The following MANBA variants were observed in gnomAD, a reference collection of about 807,000 sequenced individuals.
MANBA encodes mannosidase beta, also known as beta-mannosidase.
MANBA carries 83 observed loss-of-function variants against 111.1 expected under a neutral mutation model. The ratio of observed to expected loss-of-function variants is 0.75; its 90% CI spans 0.63 to 0.90. The LOEUF is 0.90. MANBA is among the 40% of genes least tolerant of loss of function. MANBA has a pLI of 0.00. For missense variants in MANBA, 1,036 were observed against 1,069.0 expected, an observed-to-expected ratio of 0.97 and a Z score of 0.43; for synonymous variants, 370 against 378.7, an observed-to-expected ratio of 0.98 and a Z score of 0.27.
chr4:102,684,423 G>T (rs1314591468), intron 7 of MANBA, among the ~76,000 whole-genome samples: 2 of 152,140 alleles, frequency 1.3e-5, no homozygotes, highest in African/African-American at 4.8e-5. Flanking sequence ...CTGAACTCAT[G>T]CATCCTCCAT....
rs185140142 is a variant in MANBA at position 102,736,820 on chromosome 4, A to T, written c.178-10137T>A. 1.3e-3 allele frequency among the ~76,000 whole-genome samples: 205 copies of T among 152,300 alleles called. No individual in the cohort carries two copies. The Middle Eastern group carries it at 0.017, about 13-fold the overall frequency. ...CACAGGAACATACCGGGAAAACCAA[A>T]AGAATTCAAGACCCTTTGAAACAAG... On this transcript the variant is annotated intron_variant, in intron 1 of 16. Coordinates refer to ENST00000647097, the MANE Select transcript of MANBA (RefSeq NM_005908.4).
At chr4:102,756,797 TAAAAAAAAAA>T (rs35787338) in intron 1 of MANBA, among the ~76,000 whole-genome samples, 2 of 72,006 alleles carry the variant, frequency 2.8e-5, no homozygotes, top group African/African-American at 1.1e-4. Flanking sequence ...AGAGACTATC[TAAAAAAAAAA>T]AAAAAAAAAA....
At chr4:102,745,403 A>T (rs1387562454) in intron 1 of MANBA, among the ~76,000 whole-genome samples, 1 of 152,184 alleles carries the variant, frequency 6.6e-6, no homozygotes, top group Non-Finnish European at 1.5e-5. Context: ...TGACATACAG[A>T]GAAGAGCAAT....
intron 1 of MANBA, among the ~76,000 whole-genome samples, chr4:102,741,645 C>T (rs1723408156): frequency 6.6e-6 from 1 of 152,126 alleles, no homozygotes; most frequent in Non-Finnish European, 1.5e-5. Flanking sequence ...GAGTTGGAGA[C>T]CACTATTCTA....
At chr4:102,645,966 T>C (rs76893294) in intron 13 of MANBA, among the ~76,000 whole-genome samples, 2,193 of 152,236 alleles carry the variant, frequency 0.014, 66 homozygotes, top group African/African-American at 0.051. Context: ...TGTGAAGGGA[T>C]AGAATATTAC....
intron 11 of MANBA, among the ~76,000 whole-genome samples, chr4:102,658,284 T>C (rs1458516773): frequency 6.6e-6 from 1 of 152,142 alleles, no homozygotes; most frequent in African/African-American, 2.4e-5. Context: ...GTCTTATGCA[T>C]TGTAGGATAT....
intron 5 of MANBA, among the ~76,000 whole-genome samples, chr4:102,703,833 C>T (rs763287463): frequency 6.6e-6 from 1 of 152,176 alleles, no homozygotes; most frequent in African/African-American, 2.4e-5. Flanking sequence ...TGGTGGCTCA[C>T]GCCTGTAATC....
At chr4:102,706,438 G>T (rs780956270) in intron 5 of MANBA, among the ~76,000 whole-genome samples, 1 of 152,128 alleles carries the variant, frequency 6.6e-6, no homozygotes, top group Non-Finnish European at 1.5e-5. Context: ...CAATACCACA[G>T]ATACATCTTC....
At chr4:102,750,641 A>G (rs957155903) in intron 1 of MANBA, among the ~76,000 whole-genome samples, 58 of 152,306 alleles carry the variant, frequency 3.8e-4, no homozygotes, top group African/African-American at 1.2e-3. Flanking sequence ...CGCCAGGAGC[A>G]GCGGTTCACA....
rs1177774697 is a variant in MANBA, at chr4:102,631,612, C to T, written c.*445G>A. On this transcript the variant is annotated 3_prime_UTR_variant, in exon 17 of 17. Coordinates refer to ENST00000647097, the MANE Select transcript of MANBA (RefSeq NM_005908.4). ...AATCTCTGTTGTAACATTTCAATCG[C>T]CATTCCCTCTGAAATAATAACAAAG... is the stretch of plus-strand genomic sequence containing the variant. 1 of 410,318 alleles carries T rather than the reference C, an allele frequency of 2.4e-6. No homozygotes were observed. Among genetic ancestry groups the T allele is most frequent in the Non-Finnish European group, 4.3e-6 (1 of 233,292 alleles). The allele number at this position is 410,318 out of a possible 1,614,324, so 25.4% of individuals were successfully genotyped here.
chr4:102,650,904 C>A (rs1225513882), intron 12 of MANBA: 2 of 570,688 alleles, frequency 3.5e-6, no homozygotes, highest in Non-Finnish European at 6.3e-6. Flanking sequence ...ATCACAAAAC[C>A]AGGGTTTGGT....
At position 102,722,913 on chromosome 4, in the gene MANBA, T is replaced by C; in HGVS notation, c.507A>G (p.Pro169=). The change falls in exon 4 of 17, where the codon CCA becomes CCG. Residue 169 remains proline, a synonymous_variant. Transcript: ENST00000647097. ...TRYQVPPDCP[P]LVQKGECHVN... is the part of the protein sequence containing the mutation. The stretch of plus-strand genomic sequence containing the variant: ...CATGGCATTCACCCTTCTGCACAAG[T>C]GGAGGGCAGTCTGGGGGAACCTGGT... The C allele has an allele frequency of 1.2e-6, 2 of 1,614,098 alleles. No individual in the cohort carries two copies. Among genetic ancestry groups the C allele is most frequent in the South Asian group, 1.1e-5 (1 of 91,078 alleles).
chr4:102,717,171 C>T (rs1298583232), intron 4 of MANBA, among the ~76,000 whole-genome samples: 1 of 152,072 alleles, frequency 6.6e-6, no homozygotes, highest in African/African-American at 2.4e-5. Flanking sequence ...TATTAAGTGC[C>T]TTCTATGTTT....
Position 102,723,958 on chromosome 4 carries a change from T to C in MANBA, c.282A>G (p.Gln94=), listed in dbSNP as rs1722686774. Residue 94 remains glutamine (Q), a synonymous_variant, in exon 3 of 17, where the codon CAA becomes CAG. Transcript: ENST00000647097. ...CTCCCTCAAGAATCAAATTTACTTT[T>C]TGCCATTTGCTAAAAAAAAGAAAAG... ...FKIPFEISKW[Q]KVNLILEGVD... 2 of 1,596,666 alleles carry C rather than the reference T, an allele frequency of 1.3e-6. No homozygotes were observed. Among genetic ancestry groups the C allele is most frequent in the African/African-American group, 1.3e-5 (1 of 74,204 alleles).
chr4:102,727,406 C>G, intron 1 of MANBA: 1 of 963,684 alleles, frequency 1.0e-6, no homozygotes, highest in Non-Finnish European at 1.7e-6. Context: ...ATCAGGAGGC[C>G]TGTCCTGGAG....
At chr4:102,642,956 A>C (rs1410903448) in intron 13 of MANBA, among the ~76,000 whole-genome samples, 2 of 152,222 alleles carry the variant, frequency 1.3e-5, no homozygotes, top group Non-Finnish European at 2.9e-5. Context: ...TTTTAAAACC[A>C]AGATATAATT....
chr4:102,649,539 G>A (rs546748191), intron 13 of MANBA, among the ~76,000 whole-genome samples: 20 of 152,156 alleles, frequency 1.3e-4, no homozygotes, highest in Admixed American at 7.2e-4. Flanking sequence ...ATTTATTGAC[G>A]CTTTGGATAT....
intron 1 of MANBA, among the ~76,000 whole-genome samples, chr4:102,755,849 T>C (rs1044657197): frequency 1.3e-5 from 2 of 152,166 alleles, no homozygotes; most frequent in African/African-American, 4.8e-5. Context: ...AAGACATTTA[T>C]GCAGCCAAAA....
chr4:102,634,656 T>C, intron 16 of MANBA, 132 bp downstream of exon 16: 1 of 1,244,520 alleles, frequency 8.0e-7, no homozygotes. Context: ...GAGGCCAATC[T>C]TCCCCCAGGC....
Sources: allele counts gnomAD v4.1 joint callset (sites outside exome capture counted in the v4.1 genomes callset), GRCh38; gene constraint gnomAD v4.1.1; transcripts MANE v1.5; gene names NCBI Gene and HGNC (gene_info 2026-07-23, HGNC 2026-07-21).